Variants in HMGCLL1 observed in about 807,000 individuals in gnomAD.
The protein encoded by HMGCLL1 is 3-hydroxymethyl-3-methylglutaryl-CoA lyase, cytoplasmic.
A neutral mutation model predicts 39.1 loss-of-function variants in HMGCLL1; 36 were observed. The ratio of observed to expected loss-of-function variants is 0.92; its 90% confidence interval spans 0.71 to 1.22. The LOEUF is 1.22. HMGCLL1 is among the 50% of genes most tolerant of loss of function. The probability of loss-of-function intolerance (pLI) is 0.00; values close to 1 mark genes in which losing one functional copy is unlikely to be tolerated. For synonymous variants in HMGCLL1, 149 were observed against 144.0 expected (o/e 1.03, Z -0.25); for missense variants, 451 against 416.5 (o/e 1.08, Z -0.72).
Position 55,495,411 on chromosome 6 carries a change from C to T in HMGCLL1, c.795+8G>A. On this transcript the variant is annotated splice_region_variant and intron_variant, in intron 7 of 8. Transcript: ENST00000274901. Reference sequence around the variant, plus strand: ...GCACACACATAACACACAAAGAGTACAAAATACCTGAAGGGCCGTAAGGAT... The same window carrying T: ...GCACACACATAACACACAAAGAGTATAAAATACCTGAAGGGCCGTAAGGAT... 6.2e-7 allele frequency: 1 copy of T among 1,609,836 alleles called. No homozygotes were observed. Among genetic ancestry groups the T allele is most frequent in the Non-Finnish European group, 8.5e-7 (1 of 1,177,534 alleles).
chr6:55,456,558 C>T (rs1216844467), intron 7 of HMGCLL1, among the ~76,000 whole-genome samples: 1 of 152,184 alleles, frequency 6.6e-6, no homozygotes, highest in Non-Finnish European at 1.5e-5. Flanking sequence ...GGATGCATTT[C>T]CCCAGTTCTC....
At chr6:55,453,494 G>A (rs4418184) in intron 7 of HMGCLL1, among the ~76,000 whole-genome samples, 40 of 152,334 alleles carry the variant, frequency 2.6e-4, no homozygotes, top group Non-Finnish European at 1.0e-4. Context: ...TATTGTAGGG[G>A]CTTTTGGGAT....
chr6:55,525,004 TAG>T (rs1768241936), intron 3 of HMGCLL1, among the ~76,000 whole-genome samples: 1 of 151,522 alleles, frequency 6.6e-6, no homozygotes, highest in African/African-American at 2.4e-5. Context: ...TTATCTGTTA[TAG>T]AAGTACAAAA....
At chr6:55,500,741 G>A (rs1766841259) in intron 5 of HMGCLL1, among the ~76,000 whole-genome samples, 1 of 151,970 alleles carries the variant, frequency 6.6e-6, no homozygotes, top group Non-Finnish European at 1.5e-5. Flanking sequence ...ATCAAGATGT[G>A]TGAAAATAAA....
At chr6:55,667,418 G>C in the HMGCLL1 span, among the ~76,000 whole-genome samples, 1 of 151,732 alleles carries the variant, frequency 6.6e-6, no homozygotes, top group Non-Finnish European at 1.5e-5. Flanking sequence ...CTATAGGATT[G>C]GAACGGATAT....
chr6:55,588,906 A>G, the HMGCLL1 span, among the ~76,000 whole-genome samples: 3 of 152,194 alleles, frequency 2.0e-5, no homozygotes, highest in African/African-American at 7.2e-5. Flanking sequence ...AAATTGAGAC[A>G]ATAATTAATA....
intron 7 of HMGCLL1, among the ~76,000 whole-genome samples, chr6:55,463,700 T>C (rs1277625350): frequency 1.3e-5 from 2 of 152,202 alleles, no homozygotes; most frequent in Non-Finnish European, 2.9e-5. Flanking sequence ...CCCCTAGGCA[T>C]CTCTCCAGAT....
At chr6:55,561,897 C>G (rs1292546681) in intron 1 of HMGCLL1, among the ~76,000 whole-genome samples, 1 of 152,052 alleles carries the variant, frequency 6.6e-6, no homozygotes, top group Non-Finnish European at 1.5e-5. Context: ...TAGGTCTTCT[C>G]AGCATACGAT....
chr6:55,605,201 T>C, the HMGCLL1 span, among the ~76,000 whole-genome samples: 1 of 152,132 alleles, frequency 6.6e-6, no homozygotes, highest in Non-Finnish European at 1.5e-5. Context: ...GTAAAAACAC[T>C]GGTCATTCCA....
chr6:55,623,090 C>G, the HMGCLL1 span, among the ~76,000 whole-genome samples: 10 of 151,788 alleles, frequency 6.6e-5, no homozygotes, highest in Non-Finnish European at 1.3e-4. Flanking sequence ...GAATTTCTAT[C>G]AGTTATAATA....
chr6:55,582,803 C>G (rs1021995382), upstream of HMGCLL1, among the ~76,000 whole-genome samples: 3 of 151,858 alleles, frequency 2.0e-5, no homozygotes, highest in Middle Eastern at 3.4e-3. Flanking sequence ...TTGTTTTTCC[C>G]ATTTTATTTT....
At chr6:55,475,198 A>G (rs1387139984) in intron 7 of HMGCLL1, among the ~76,000 whole-genome samples, 1 of 151,558 alleles carries the variant, frequency 6.6e-6, no homozygotes, top group African/African-American at 2.4e-5. Context: ...CTTTGTATTG[A>G]GAATAGGCCT....
intron 1 of HMGCLL1, among the ~76,000 whole-genome samples, chr6:55,574,874 AAC>A (rs1306682423): frequency 6.6e-6 from 1 of 152,102 alleles, no homozygotes; most frequent in Non-Finnish European, 1.5e-5. Flanking sequence ...CAGCAAATGT[AAC>A]ACAAAGGATC....
At chr6:55,544,901 G>T (rs1769872444) in intron 1 of HMGCLL1, among the ~76,000 whole-genome samples, 1 of 152,068 alleles carries the variant, frequency 6.6e-6, no homozygotes, top group African/African-American at 2.4e-5. Context: ...GAAGGCCTGG[G>T]GTTCCTCAGC....
intron 6 of HMGCLL1, among the ~76,000 whole-genome samples, chr6:55,496,299 C>A (rs1284756572): frequency 2.0e-5 from 3 of 151,400 alleles, no homozygotes; most frequent in African/African-American, 7.3e-5. Flanking sequence ...TAAAATAATA[C>A]AAATGTATTT....
intron 7 of HMGCLL1, among the ~76,000 whole-genome samples, chr6:55,440,908 T>C (rs1227514553): frequency 6.6e-6 from 1 of 152,190 alleles, no homozygotes; most frequent in Non-Finnish European, 1.5e-5. Context: ...AAATAGTTTT[T>C]GATTTTCACA....
At chr6:55,547,298 T>C (rs1021240205) in intron 1 of HMGCLL1, among the ~76,000 whole-genome samples, 1 of 152,030 alleles carries the variant, frequency 6.6e-6, no homozygotes, top group African/African-American at 2.4e-5. Flanking sequence ...CTCTGAAATA[T>C]TTAGAGTGTG....
At chr6:55,644,572 GTATAAGGCAAGAGATACAAACCAAGTTT>G in the HMGCLL1 span, among the ~76,000 whole-genome samples, 1 of 151,916 alleles carries the variant, frequency 6.6e-6, no homozygotes, top group African/African-American at 2.4e-5. Flanking sequence ...TTTGATTTTT[GTATAAGGCAAGAGATACAAACCAAGTTT>G]TATTCTTCTG....
the HMGCLL1 span, among the ~76,000 whole-genome samples, chr6:55,659,402 C>T: frequency 2.0e-5 from 3 of 151,914 alleles, no homozygotes; most frequent in Admixed American, 6.6e-5. Context: ...TCCCACTTCT[C>T]GCTCTTTGTC....
Sources: gnomAD v4.1 joint callset for allele counts (sites outside exome capture counted in the v4.1 genomes callset) on GRCh38, gnomAD v4.1.1 for gene constraint, MANE v1.5 for transcripts, NCBI Gene and HGNC (gene_info 2026-07-23, HGNC 2026-07-21) for gene names.